The following KIAA1549L variants were observed in gnomAD, a reference collection of about 807,000 sequenced individuals.
KIAA1549L encodes UPF0606 protein KIAA1549L.
In KIAA1549L, 88 loss-of-function variants were observed where a neutral mutation model predicts 160.7. That is an observed-to-expected ratio of 0.55 (90% CI 0.46 to 0.65). The LOEUF (loss-of-function observed/expected upper bound fraction) is 0.65, where lower values mean the gene tolerates loss of function less well. KIAA1549L is among the 30% of genes least tolerant of loss of function. The pLI, the probability that KIAA1549L is intolerant of heterozygous loss-of-function variation, is 0.00. For synonymous variants in KIAA1549L, 950 were observed against 976.7 expected, an observed-to-expected ratio of 0.97 and a Z score of 0.51; for missense variants, 2,258 against 2,437.5, an observed-to-expected ratio of 0.93 and a Z score of 1.55.
chr11:33,395,925 G>A (rs1850364641), intron 1 of KIAA1549L, among the ~76,000 whole-genome samples: 1 of 152,076 alleles, frequency 6.6e-6, no homozygotes, highest in Admixed American at 6.5e-5. Context: ...GGTCCTGATG[G>A]TGGTACATGC....
chr11:33,645,428 C>G (rs550796008), intron 16 of KIAA1549L, among the ~76,000 whole-genome samples: 1 of 152,172 alleles, frequency 6.6e-6, no homozygotes, highest in African/African-American at 2.4e-5. Flanking sequence ...GTCTGTTACA[C>G]TAACAGGCAG....
intron 16 of KIAA1549L, among the ~76,000 whole-genome samples, chr11:33,637,173 A>G (rs1367842371): frequency 6.6e-6 from 1 of 151,984 alleles, no homozygotes; most frequent in Non-Finnish European, 1.5e-5. Flanking sequence ...CTTGGCTTCA[A>G]CTCTTGGCTT....
At chr11:33,585,929 GT>G (rs1849857065) in intron 11 of KIAA1549L, among the ~76,000 whole-genome samples, 1 of 152,294 alleles carries the variant, frequency 6.6e-6, no homozygotes, top group African/African-American at 2.4e-5. Context: ...GGAGCTGGTT[GT>G]TTTCCCCCTC....
intron 1 of KIAA1549L, among the ~76,000 whole-genome samples, chr11:33,378,684 T>C (rs1455834179): frequency 2.0e-5 from 3 of 152,214 alleles, no homozygotes. Context: ...TCCCCCTTTA[T>C]GACCAGCTTC....
At chr11:33,460,296 TGTGGTGGGGGCCA>T (rs1851916643) in intron 1 of KIAA1549L, among the ~76,000 whole-genome samples, 1 of 151,698 alleles carries the variant, frequency 6.6e-6, no homozygotes, top group Non-Finnish European at 1.5e-5. Context: ...GAGATTGAGG[TGTGGTGGGGGCCA>T]GGAGAGGTGG....
chr11:33,479,135 T>C (rs1852356172), intron 1 of KIAA1549L, among the ~76,000 whole-genome samples: 1 of 152,176 alleles, frequency 6.6e-6, no homozygotes, highest in African/African-American at 2.4e-5. Context: ...TTTGCCTTTG[T>C]TAGGGTAGAC....
chr11:33,639,263 G>A (rs1313452445), intron 16 of KIAA1549L, among the ~76,000 whole-genome samples: 4 of 152,160 alleles, frequency 2.6e-5, no homozygotes, highest in Admixed American at 2.6e-4. Flanking sequence ...GTGCACTATT[G>A]TAGATGTATT....
intron 1 of KIAA1549L, among the ~76,000 whole-genome samples, chr11:33,483,504 G>A (rs1852456479): frequency 6.6e-6 from 1 of 152,046 alleles, no homozygotes; most frequent in Admixed American, 6.5e-5. Flanking sequence ...GACCCACTTG[G>A]CATACCACTG....
chr11:33,598,845 G>A lies in KIAA1549L; in HGVS notation c.4777G>A (p.Val1593Ile). ...CAGGTCGCCCAGTGAGAATGGCTCT[G>A]TCATCAGCAACGAATCAGGGAAGCC... Reference protein sequence around the residue: ...KSRSPSENGSVISNESGKPSS... With the variant: ...KSRSPSENGSIISNESGKPSS... The change falls in exon 13 of 21, where the codon GTC (valine) becomes ATC (isoleucine). Residue 1593 changes from valine to isoleucine, a missense_variant. Coordinates refer to ENST00000658780, the MANE Select transcript of KIAA1549L (RefSeq NM_012194.3). 1 of 1,613,956 alleles carries A rather than the reference G, an allele frequency of 6.2e-7. No individual in the cohort carries two copies. Among genetic ancestry groups the A allele is most frequent in the Non-Finnish European group, 8.5e-7 (1 of 1,179,864 alleles).
At chr11:33,524,639 G>A (rs1853573038) in intron 1 of KIAA1549L, among the ~76,000 whole-genome samples, 1 of 152,010 alleles carries the variant, frequency 6.6e-6, no homozygotes, top group Non-Finnish European at 1.5e-5. Context: ...CTGAGTGTTG[G>A]GAGAGTGTTA....
intron 7 of KIAA1549L, among the ~76,000 whole-genome samples, chr11:33,560,213 A>G (rs1025900630): frequency 6.6e-6 from 1 of 152,194 alleles, no homozygotes; most frequent in African/African-American, 2.4e-5. Context: ...GACCTGCCCT[A>G]TAAGACAGAT....
chr11:33,564,930 T>C (rs1854997282), intron 8 of KIAA1549L, among the ~76,000 whole-genome samples: 1 of 152,130 alleles, frequency 6.6e-6, no homozygotes, highest in Admixed American at 6.5e-5. Context: ...CCCAGTATGA[T>C]TGTGAATAAA....
intron 1 of KIAA1549L, among the ~76,000 whole-genome samples, chr11:33,500,817 T>C (rs1256885201): frequency 6.6e-6 from 1 of 152,142 alleles, no homozygotes; most frequent in Admixed American, 6.5e-5. Context: ...AAAAGAAATG[T>C]AGGCAACACC....
chr11:33,467,248 G>A (rs1336850349), intron 1 of KIAA1549L, among the ~76,000 whole-genome samples: 3 of 152,164 alleles, frequency 2.0e-5, no homozygotes, highest in Non-Finnish European at 4.4e-5. Flanking sequence ...TAGAGAAAGA[G>A]GTGAGGGGTG....
intron 17 of KIAA1549L, among the ~76,000 whole-genome samples, chr11:33,649,342 G>GAA (rs375655355): frequency 0.19 from 23,206 of 120,302 alleles, 2,564 homozygotes; most frequent in African/African-American, 0.36. Flanking sequence ...TCTCTACGGG[G>GAA]GAAAAAAAAA....
chr11:33,575,988 AG>A lies in KIAA1549L; in HGVS notation c.4402+1116del, dbSNP rs145153352. ...ATTGGTCAGCAGTGTCTAGGATGGGAGCAGACAGGAAGTGGCAGGACTGGTG... is the reference window on the plus strand; with the variant it reads ...ATTGGTCAGCAGTGTCTAGGATGGGACAGACAGGAAGTGGCAGGACTGGTG... On this transcript the variant is annotated intron_variant, in intron 10 of 20. Coordinates refer to ENST00000658780, the MANE Select transcript of KIAA1549L (RefSeq NM_012194.3). Among the ~76,000 whole-genome samples, 1,008 of 152,252 alleles carry A rather than the reference AG, an allele frequency of 6.6e-3. 16 individuals are homozygous for A. The highest frequency in any genetic ancestry group is 0.024 in the South Asian group (117 of 4,814).
At chr11:33,588,041 G>A (rs917191913) in intron 11 of KIAA1549L, among the ~76,000 whole-genome samples, 4 of 152,208 alleles carry the variant, frequency 2.6e-5, no homozygotes, top group Non-Finnish European at 5.9e-5. Context: ...TCACAGCTCT[G>A]TGAGCCTGCG....
chr11:33,397,045 G>C (rs568066359), intron 1 of KIAA1549L, among the ~76,000 whole-genome samples: 3 of 150,264 alleles, frequency 2.0e-5, no homozygotes, highest in Non-Finnish European at 4.4e-5. Flanking sequence ...AAGTGAAAAC[G>C]TTTTAGGTTG....
rs201928267 is a variant in KIAA1549L at position 33,413,974 on chromosome 11, TG to T, written c.238+37086del. Among the ~76,000 whole-genome samples, 97 of 152,246 alleles carry T rather than the reference TG, an allele frequency of 6.4e-4. 1 individual carries two copies. The East Asian group carries it at 0.018, about 28-fold the overall frequency. ...GACAAAGGATTTGTGTCTGAGGATG[TG>T]TAAGAATTGGAATCTCCAGGACCTA... On this transcript the variant is annotated intron_variant, in intron 1 of 20. Coordinates refer to ENST00000658780, the MANE Select transcript of KIAA1549L (RefSeq NM_012194.3).
Sources: allele counts gnomAD v4.1 joint callset (sites outside exome capture counted in the v4.1 genomes callset), GRCh38; gene constraint gnomAD v4.1.1; transcripts MANE v1.5; gene names NCBI Gene and HGNC (gene_info 2026-07-23, HGNC 2026-07-21).